The following AGBL1 variants were observed in gnomAD, a reference collection of about 807,000 sequenced individuals.
AGBL1 encodes AGBL carboxypeptidase 1.
A neutral mutation model predicts 118.9 loss-of-function variants in AGBL1; 130 were observed. That is an observed-to-expected ratio of 1.09 (90% CI 0.95 to 1.26). The LOEUF is 1.26. Among genes scored for constraint, AGBL1 ranks in the 50% most tolerant of loss-of-function variants. AGBL1 has a pLI of 0.00. For missense variants in AGBL1, 1,584 were observed against 1,298.1 expected, an observed-to-expected ratio of 1.22 and a Z score of -3.38; for synonymous variants, 555 against 478.9, an observed-to-expected ratio of 1.16 and a Z score of -2.08.
At chr15:86,230,428 G>A (rs192880679) in intron 6 of AGBL1, among the ~76,000 whole-genome samples, 1 of 152,340 alleles carries the variant, frequency 6.6e-6, no homozygotes, top group East Asian at 1.9e-4. Flanking sequence ...GGTTGGCATT[G>A]TTAATCCTTT....
intron 5 of AGBL1, among the ~76,000 whole-genome samples, chr15:86,221,007 C>T (rs187716048): frequency 6.6e-6 from 1 of 152,032 alleles, no homozygotes; most frequent in East Asian, 1.9e-4. Flanking sequence ...TGAGACCAGC[C>T]TAGCCAACAT....
At chr15:86,748,324 T>C (rs2077788992) in intron 22 of AGBL1, among the ~76,000 whole-genome samples, 1 of 151,856 alleles carries the variant, frequency 6.6e-6, no homozygotes, top group Non-Finnish European at 1.5e-5. Context: ...TTTGATGGGG[T>C]TGTTTGTTTT....
At chr15:86,206,052 G>A (rs949717767) in intron 5 of AGBL1, among the ~76,000 whole-genome samples, 2 of 152,010 alleles carry the variant, frequency 1.3e-5, no homozygotes, top group South Asian at 2.1e-4. Flanking sequence ...GTTCGATTCT[G>A]ACATATGAGT....
chr15:86,724,309 A>T (rs1235336924), intron 22 of AGBL1, among the ~76,000 whole-genome samples: 1 of 152,016 alleles, frequency 6.6e-6, no homozygotes, highest in Non-Finnish European at 1.5e-5. Flanking sequence ...TGACAAGAAC[A>T]TCGGCAATAA....
chr15:86,931,531 G>A (rs910114669), intron 23 of AGBL1, among the ~76,000 whole-genome samples: 22 of 151,688 alleles, frequency 1.5e-4, no homozygotes, highest in Non-Finnish European at 2.1e-4. Flanking sequence ...TTATTTCACT[G>A]AAAAATTACA....
At chr15:86,809,966 A>T (rs886116164) in intron 22 of AGBL1, among the ~76,000 whole-genome samples, 20 of 152,124 alleles carry the variant, frequency 1.3e-4, no homozygotes, top group Non-Finnish European at 1.8e-4. Flanking sequence ...CTAACACAAA[A>T]TATTTGGAAT....
intron 16 of AGBL1, among the ~76,000 whole-genome samples, chr15:86,288,087 C>A (rs760579461): frequency 1.3e-4 from 20 of 152,186 alleles, no homozygotes; most frequent in Admixed American, 1.3e-4. Context: ...GGAAATGCTG[C>A]AACCAAGTTT....
intron 17 of AGBL1, among the ~76,000 whole-genome samples, chr15:86,368,774 G>A (rs890917224): frequency 2.6e-5 from 4 of 152,156 alleles, no homozygotes; most frequent in Admixed American, 2.6e-4. Context: ...TGGAGAAACA[G>A]TATTATAAGA....
chr15:86,125,317 T>G (rs1383224905), intron 1 of AGBL1, among the ~76,000 whole-genome samples: 1 of 152,218 alleles, frequency 6.6e-6, no homozygotes, highest in Admixed American at 6.5e-5. Flanking sequence ...ATTTCCATGA[T>G]GAAGCCTTTC....
chr15:86,862,144 A>C (rs1244829571), intron 22 of AGBL1, among the ~76,000 whole-genome samples: 1 of 152,180 alleles, frequency 6.6e-6, no homozygotes, highest in Non-Finnish European at 1.5e-5. Context: ...GGGTTAAGTG[A>C]CATGAAAAAC....
intron 22 of AGBL1, among the ~76,000 whole-genome samples, chr15:86,703,802 C>A (rs1314003138): frequency 6.6e-6 from 1 of 152,094 alleles, no homozygotes; most frequent in Non-Finnish European, 1.5e-5. Context: ...GATTGTGAGG[C>A]CTCCCTGCCC....
At position 86,433,213 on chromosome 15, in the gene AGBL1, CTCTTCTTCTTCT is replaced by C. The variant is rs201556757; in HGVS notation, c.2555+35674_2555+35685del. Among the ~76,000 whole-genome samples, 5 of 144,910 alleles carry C rather than the reference CTCTTCTTCTTCT, an allele frequency of 3.5e-5. No individual in the cohort carries two copies. The East Asian group carries it at 6.5e-4, about 19-fold the overall frequency. Reference sequence around the variant, plus strand: ...AGAAGAAGATGAAGCTCCTTTCCTCCTCTTCTTCTTCTTCTTCTCCTCCTCCTTCTCCTCCTC... The same window carrying C: ...AGAAGAAGATGAAGCTCCTTTCCTCCTCTTCTCCTCCTCCTTCTCCTCCTC... On this transcript the variant is annotated intron_variant, in intron 18 of 22. Coordinates refer to ENST00000614907, the MANE Select transcript of AGBL1 (RefSeq NM_001386094.1).
At chr15:86,614,939 G>A (rs1372311081) in intron 21 of AGBL1, among the ~76,000 whole-genome samples, 1 of 152,184 alleles carries the variant, frequency 6.6e-6, no homozygotes, top group African/African-American at 2.4e-5. Context: ...GAGTTGACCA[G>A]GCAGTGAAGG....
intron 22 of AGBL1, among the ~76,000 whole-genome samples, chr15:86,746,127 C>T (rs553684105): frequency 6.6e-6 from 1 of 152,178 alleles, no homozygotes; most frequent in East Asian, 1.9e-4. Context: ...GAAGTCTGTT[C>T]ACCACACTGT....
chr15:86,212,686 G>A (rs2078119563), intron 5 of AGBL1, among the ~76,000 whole-genome samples: 1 of 152,168 alleles, frequency 6.6e-6, no homozygotes, highest in Non-Finnish European at 1.5e-5. Context: ...GTCTCACTCT[G>A]TTGCCCAGGC....
intron 21 of AGBL1, among the ~76,000 whole-genome samples, chr15:86,562,825 G>C (rs1031862604): frequency 6.6e-6 from 1 of 151,736 alleles, no homozygotes; most frequent in South Asian, 2.1e-4. Flanking sequence ...TTCAGAGCCT[G>C]TTATTGGTCT....
intron 21 of AGBL1, among the ~76,000 whole-genome samples, chr15:86,562,814 T>C (rs977101272): frequency 6.6e-5 from 10 of 152,196 alleles, no homozygotes; most frequent in African/African-American, 2.4e-4. Flanking sequence ...ATTGCCTCAA[T>C]TTCAGAGCCT....
At chr15:86,193,534 T>C (rs2077754740) in intron 5 of AGBL1, among the ~76,000 whole-genome samples, 1 of 152,176 alleles carries the variant, frequency 6.6e-6, no homozygotes, top group Non-Finnish European at 1.5e-5. Flanking sequence ...CCACTCTTTG[T>C]AGCTTTGGCT....
At chr15:86,635,058 TAGG>T (rs1244332523) in intron 21 of AGBL1, among the ~76,000 whole-genome samples, 1 of 152,168 alleles carries the variant, frequency 6.6e-6, no homozygotes, top group Non-Finnish European at 1.5e-5. Context: ...TTTTATGAAT[TAGG>T]AGAAAAGTAA....
Sources: gnomAD v4.1 joint callset for allele counts (sites outside exome capture counted in the v4.1 genomes callset) on GRCh38, gnomAD v4.1.1 for gene constraint, MANE v1.5 for transcripts, NCBI Gene and HGNC (gene_info 2026-07-23, HGNC 2026-07-21) for gene names.